Variants in EPB41L5 observed in about 807,000 individuals in gnomAD.
The protein encoded by EPB41L5 is band 4.1-like protein 5.
A neutral mutation model predicts 106.6 loss-of-function variants in EPB41L5; 55 were observed. The ratio of observed to expected loss-of-function variants is 0.52; its 90% CI spans 0.42 to 0.65. EPB41L5 has a LOEUF of 0.65. Among genes scored for constraint, EPB41L5 ranks in the 30% least tolerant of loss-of-function variants. The pLI, the probability that EPB41L5 is intolerant of heterozygous loss-of-function variation, is 0.00. For missense variants in EPB41L5, 871 were observed against 882.1 expected, an observed-to-expected ratio of 0.99 and a Z score of 0.16; for synonymous variants, 297 against 306.7, an observed-to-expected ratio of 0.97 and a Z score of 0.33.
At chr2:120,137,342 TAGA>T (rs1685970547) in intron 18 of EPB41L5, among the ~76,000 whole-genome samples, 2 of 151,368 alleles carry the variant, frequency 1.3e-5, no homozygotes, top group South Asian at 4.2e-4. Flanking sequence ...CCAAAATTAG[TAGA>T]AGAAAAGAAA....
chr2:120,149,918 A>G (rs986792233), intron 20 of EPB41L5, among the ~76,000 whole-genome samples: 2 of 135,732 alleles, frequency 1.5e-5, no homozygotes, highest in African/African-American at 5.5e-5. Context: ...TTTTTGAGAC[A>G]GGGTCTTGCT....
intron 11 of EPB41L5, among the ~76,000 whole-genome samples, chr2:120,088,743 A>T (rs567807770): frequency 3.3e-5 from 5 of 152,080 alleles, no homozygotes; most frequent in Non-Finnish European, 7.4e-5. Context: ...CTTTTTTGCT[A>T]ATGTTTGGAA....
At chr2:120,063,897 G>A (rs778274474) in intron 3 of EPB41L5, among the ~76,000 whole-genome samples, 7 of 151,868 alleles carry the variant, frequency 4.6e-5, no homozygotes, top group South Asian at 2.1e-4. Flanking sequence ...AGGCGAGATC[G>A]CGCCACTGCA....
intron 2 of EPB41L5, among the ~76,000 whole-genome samples, chr2:120,034,366 A>G (rs1004990462): frequency 2.0e-5 from 3 of 152,364 alleles, no homozygotes; most frequent in Non-Finnish European, 4.4e-5. Flanking sequence ...GTCTTGAAGC[A>G]AATATAGAAT....
intron 20 of EPB41L5, among the ~76,000 whole-genome samples, chr2:120,160,396 C>T (rs563514010): frequency 2.6e-5 from 4 of 152,132 alleles, no homozygotes; most frequent in South Asian, 4.1e-4. Context: ...TGTGACAATA[C>T]GTTAAGCACT....
At chr2:120,089,158 A>G (rs905642948) in intron 11 of EPB41L5, among the ~76,000 whole-genome samples, 4 of 152,124 alleles carry the variant, frequency 2.6e-5, no homozygotes, top group Admixed American at 6.6e-5. Context: ...TACTGTCTTA[A>G]TAGTGTCTTT....
Position 120,097,937 on chromosome 2 carries a change from A to G in EPB41L5, c.1179-2307A>G, listed in dbSNP as rs566644822. 5.3e-5 allele frequency among the ~76,000 whole-genome samples: 8 copies of G among 152,334 alleles called. No individual in the cohort carries two copies. In the East Asian group the frequency reaches 1.5e-3, roughly 29 times the overall value. On this transcript the variant is annotated intron_variant, in intron 14 of 24. Transcript: ENST00000263713. ...ATGTTAATCTTATTGATCACCTACT[A>G]AAGTTATTTCTAGTTAAAGGAAAAG...
intron 3 of EPB41L5, among the ~76,000 whole-genome samples, chr2:120,069,375 G>A (rs924225759): frequency 1.3e-5 from 2 of 151,972 alleles, no homozygotes; most frequent in Non-Finnish European, 2.9e-5. Context: ...AATAGTGGGA[G>A]ACTTTAACAC....
At chr2:120,064,720 A>G (rs974624454) in intron 3 of EPB41L5, among the ~76,000 whole-genome samples, 4 of 152,238 alleles carry the variant, frequency 2.6e-5, no homozygotes, top group Non-Finnish European at 5.9e-5. Context: ...AAGAAAGAGA[A>G]TCTTACTAGT....
intron 2 of EPB41L5, among the ~76,000 whole-genome samples, chr2:120,039,845 A>G (rs187392152): frequency 0.02 from 2,955 of 151,498 alleles, 89 homozygotes; most frequent in African/African-American, 0.066. Context: ...AAAAAAAAAA[A>G]AAGAAGAAAG....
intron 24 of EPB41L5, among the ~76,000 whole-genome samples, chr2:120,169,324 C>T (rs1687562388): frequency 6.6e-6 from 1 of 152,138 alleles, no homozygotes; most frequent in Non-Finnish European, 1.5e-5. Context: ...AACTCCATAC[C>T]ATTCACAAAA....
Position 120,091,539 on chromosome 2 carries a change from G to T in EPB41L5, c.1044-16G>T, listed in dbSNP as rs758161078. On this transcript the variant is annotated splice_polypyrimidine_tract_variant and intron_variant, in intron 12 of 24. Coordinates refer to ENST00000263713, the MANE Select transcript of EPB41L5 (RefSeq NM_020909.4). The stretch of plus-strand genomic sequence containing the variant: ...TAGACCTAAAATTTCCCTTACTTCT[G>T]TTATGCCTCATTTAGTGGGAAAACA... The T allele has an allele frequency of 6.3e-7, 1 of 1,596,346 alleles. No homozygotes were observed. Among genetic ancestry groups the T allele is most frequent in the Admixed American group, 1.7e-5 (1 of 59,670 alleles).
At chr2:120,116,867 T>C (rs910011977) in intron 16 of EPB41L5, among the ~76,000 whole-genome samples, 10 of 152,046 alleles carry the variant, frequency 6.6e-5, no homozygotes, top group African/African-American at 2.2e-4. Context: ...AAAAAAAGAA[T>C]GAATGTCAAA....
chr2:120,142,472 C>T (rs1177280982), intron 18 of EPB41L5, among the ~76,000 whole-genome samples: 1 of 152,104 alleles, frequency 6.6e-6, no homozygotes, highest in African/African-American at 2.4e-5. Context: ...TCAGCGAGGA[C>T]AGTGGGTGCA....
intron 10 of EPB41L5, among the ~76,000 whole-genome samples, chr2:120,084,311 G>T (rs1464000013): frequency 6.6e-6 from 1 of 152,140 alleles, no homozygotes; most frequent in African/African-American, 2.4e-5. Flanking sequence ...CTCTTGTAAG[G>T]CATGCCTCGT....
chr2:120,021,078 A>AT (rs1274603603), intron 2 of EPB41L5, among the ~76,000 whole-genome samples: 5 of 152,240 alleles, frequency 3.3e-5, no homozygotes, highest in Non-Finnish European at 7.3e-5. Context: ...GCAGTGGCTT[A>AT]TGCCTGTAAT....
intron 16 of EPB41L5, chr2:120,106,278 G>C (rs964851540): frequency 8.1e-6 from 8 of 985,240 alleles, no homozygotes; most frequent in African/African-American, 3.5e-5. Flanking sequence ...AAGGGCTAAG[G>C]CTGGATGGTA....
intron 18 of EPB41L5, among the ~76,000 whole-genome samples, 188 bp downstream of exon 18, chr2:120,131,903 C>T (rs1031632618): frequency 6.6e-6 from 1 of 151,636 alleles, no homozygotes; most frequent in Non-Finnish European, 1.5e-5. Flanking sequence ...GGGAAACTTG[C>T]ACAGCAAAGT....
chr2:120,032,598 G>A (rs1678789125), intron 2 of EPB41L5, among the ~76,000 whole-genome samples: 1 of 152,172 alleles, frequency 6.6e-6, no homozygotes, highest in Non-Finnish European at 1.5e-5. Flanking sequence ...TTCGTCTTCT[G>A]ACTCTTGCCT....
Sources: gnomAD v4.1 joint callset for allele counts (sites outside exome capture counted in the v4.1 genomes callset) on GRCh38, gnomAD v4.1.1 for gene constraint, MANE v1.5 for transcripts, NCBI Gene and HGNC (gene_info 2026-07-23, HGNC 2026-07-21) for gene names.